Variants in PHKB observed in about 807,000 individuals in gnomAD.
The protein encoded by PHKB is phosphorylase b kinase regulatory subunit beta.
PHKB carries 122 observed loss-of-function variants against 152.1 expected under a neutral mutation model. That is an observed-to-expected ratio of 0.80 (90% CI 0.69 to 0.93). The LOEUF is 0.93. Among genes scored for constraint, PHKB ranks in the 40% least tolerant of loss-of-function variants. The probability of loss-of-function intolerance (pLI) is 0.00; values close to 1 mark genes in which losing one functional copy is unlikely to be tolerated. For missense variants in PHKB, 1,304 were observed against 1,328.4 expected (o/e 0.98, Z 0.29); for synonymous variants, 436 against 464.9 (o/e 0.94, Z 0.80).
At chr16:47,593,819 C>T (rs1196150145) in intron 11 of PHKB, among the ~76,000 whole-genome samples, 2 of 151,954 alleles carry the variant, frequency 1.3e-5, no homozygotes, top group African/African-American at 4.8e-5. Flanking sequence ...TTCATATTTA[C>T]AAAGAAAAAT....
chr16:47,565,757 C>T (rs1296933565), intron 7 of PHKB: 2 of 1,503,854 alleles, frequency 1.3e-6, no homozygotes, highest in East Asian at 4.5e-5. Context: ...GCTGCAACTT[C>T]TCTTGTTCCT....
chr16:47,546,045 T>A (rs536610133), intron 6 of PHKB, among the ~76,000 whole-genome samples: 1 of 152,336 alleles, frequency 6.6e-6, no homozygotes, highest in African/African-American at 2.4e-5. Flanking sequence ...ACATCCTCCG[T>A]TAGCTCGGAT....
chr16:47,537,800 G>T (rs893917378), intron 6 of PHKB, among the ~76,000 whole-genome samples: 2 of 151,862 alleles, frequency 1.3e-5, no homozygotes, highest in African/African-American at 4.8e-5. Context: ...AAAGGTACAG[G>T]TTATATGTAT....
intron 1 of PHKB, among the ~76,000 whole-genome samples, chr16:47,495,634 T>G (rs1195327431): frequency 1.3e-5 from 2 of 152,038 alleles, no homozygotes; most frequent in East Asian, 3.9e-4. Flanking sequence ...TCACTGGGAG[T>G]GTATAGACTC....
intron 6 of PHKB, among the ~76,000 whole-genome samples, chr16:47,517,434 T>G (rs1970617115): frequency 6.6e-6 from 1 of 152,026 alleles, no homozygotes; most frequent in Non-Finnish European, 1.5e-5. Flanking sequence ...TTCTTTTGTA[T>G]TTTTTGTAGA....
intron 1 of PHKB, among the ~76,000 whole-genome samples, chr16:47,474,215 T>C (rs1969829732): frequency 6.6e-6 from 1 of 152,244 alleles, no homozygotes; most frequent in African/African-American, 2.4e-5. Context: ...TAAAGTTTAT[T>C]GTTTTACTCC....
intron 1 of PHKB, among the ~76,000 whole-genome samples, chr16:47,495,985 T>G (rs528615328): frequency 2.6e-5 from 4 of 152,294 alleles, no homozygotes; most frequent in African/African-American, 9.6e-5. Context: ...GGCCCTTTCT[T>G]TACGTTCTTC....
intron 7 of PHKB, among the ~76,000 whole-genome samples, chr16:47,560,050 T>C (rs558104122): frequency 2.0e-4 from 30 of 152,360 alleles, no homozygotes; most frequent in African/African-American, 6.7e-4. Context: ...GAACCTTCAC[T>C]AGCAGTGATA....
chr16:47,649,268 T>A (rs749007346), intron 18 of PHKB, 64 bp downstream of exon 18: 11 of 913,398 alleles, frequency 1.2e-5, no homozygotes, highest in Non-Finnish European at 1.8e-5. Context: ...TATCATATGT[T>A]ACTATATTGA....
At position 47,617,887 on chromosome 16, in the gene PHKB, G is replaced by T. The variant is rs1373337924; in HGVS notation, c.1458+6967G>T. On this transcript the variant is annotated intron_variant, in intron 14 of 30. Transcript: ENST00000323584. ...ACATGAAAGGCTTTAAGAATCTGTTGTTTGCAGTGGAAGCCTTAACTCATC... is the reference window on the plus strand; with the variant it reads ...ACATGAAAGGCTTTAAGAATCTGTTTTTTGCAGTGGAAGCCTTAACTCATC... Among the ~76,000 whole-genome samples, 8 of 152,190 alleles carry T rather than the reference G, an allele frequency of 5.3e-5. No homozygotes were observed. In the South Asian group the frequency reaches 8.3e-4, roughly 16 times the overall value.
At chr16:47,549,670 G>T (rs1971237479) in intron 7 of PHKB, among the ~76,000 whole-genome samples, 1 of 152,050 alleles carries the variant, frequency 6.6e-6, no homozygotes, top group Non-Finnish European at 1.5e-5. Context: ...ACTCCAGCCT[G>T]GGTGACAGAA....
At chr16:47,653,873 A>G (rs1211823237) in intron 20 of PHKB, among the ~76,000 whole-genome samples, 1 of 152,228 alleles carries the variant, frequency 6.6e-6, no homozygotes, top group Admixed American at 6.5e-5. Flanking sequence ...TCAGTGGAGT[A>G]GAGCTTTTGG....
At chr16:47,655,240 T>G (rs1973314563) in intron 20 of PHKB, among the ~76,000 whole-genome samples, 1 of 152,146 alleles carries the variant, frequency 6.6e-6, no homozygotes, top group Non-Finnish European at 1.5e-5. Context: ...AATATATACT[T>G]TGGGAAAAAT....
chr16:47,540,527 T>G (rs1597067770), intron 6 of PHKB, among the ~76,000 whole-genome samples: 1 of 152,112 alleles, frequency 6.6e-6, no homozygotes, highest in African/African-American at 2.4e-5. Context: ...GCAGCTCAAG[T>G]GGGCATCATG....
At chr16:47,661,657 C>A in intron 22 of PHKB, 62 bp from the exon 23 acceptor site, 1 of 1,019,446 alleles carries the variant, frequency 9.8e-7, no homozygotes, top group Non-Finnish European at 1.6e-6. Flanking sequence ...TGATTAGTTA[C>A]CCTCTGTGGT....
At chr16:47,474,387 G>A (rs1268405581) in intron 1 of PHKB, among the ~76,000 whole-genome samples, 1 of 152,168 alleles carries the variant, frequency 6.6e-6, no homozygotes, top group African/African-American at 2.4e-5. Flanking sequence ...AGCTGTGGAT[G>A]GAGACTAGGA....
At chr16:47,687,222 A>C (rs933249312) in intron 26 of PHKB, among the ~76,000 whole-genome samples, 3 of 152,268 alleles carry the variant, frequency 2.0e-5, no homozygotes, top group African/African-American at 7.2e-5. Context: ...AGACAATTCT[A>C]TGCCTGGTCT....
chr16:47,647,988 T>C (rs1213465858), intron 16 of PHKB, among the ~76,000 whole-genome samples: 1 of 152,188 alleles, frequency 6.6e-6, no homozygotes, highest in Non-Finnish European at 1.5e-5. Context: ...CAATGAACTA[T>C]ATATACCCCT....
chr16:47,685,472 T>G (rs1973948215), intron 26 of PHKB, among the ~76,000 whole-genome samples: 2 of 152,138 alleles, frequency 1.3e-5, no homozygotes, highest in South Asian at 4.1e-4. Flanking sequence ...TCAAATCAGA[T>G]TTTATGGCCT....
Sources: allele counts gnomAD v4.1 joint callset (sites outside exome capture counted in the v4.1 genomes callset), GRCh38; gene constraint gnomAD v4.1.1; transcripts MANE v1.5; gene names NCBI Gene and HGNC (gene_info 2026-07-23, HGNC 2026-07-21).